The following ANKRD45 variants were observed in gnomAD, a reference collection of about 807,000 sequenced individuals.
The protein encoded by ANKRD45 is ankyrin repeat domain-containing protein 45.
ANKRD45 carries 21 observed loss-of-function variants against 28.1 expected under a neutral mutation model. The ratio of observed to expected loss-of-function variants is 0.75; its 90% CI spans 0.53 to 1.08. The LOEUF (loss-of-function observed/expected upper bound fraction) is 1.08. Among genes scored for constraint, ANKRD45 ranks in the 50% least tolerant of loss-of-function variants. The probability of loss-of-function intolerance (pLI) is 0.00; values close to 1 mark genes in which losing one functional copy is unlikely to be tolerated. For missense variants in ANKRD45, 261 were observed against 308.7 expected (o/e 0.85, Z 1.16); for synonymous variants, 86 against 103.9 (o/e 0.83, Z 1.05).
At chr1:173,677,783 A>C in the ANKRD45 span, among the ~76,000 whole-genome samples, 1 of 152,240 alleles carries the variant, frequency 6.6e-6, no homozygotes, top group African/African-American at 2.4e-5. Flanking sequence ...TTTAAAAAAA[A>C]ACAATTATCA....
Position 173,641,776 on chromosome 1 carries a change from T to C in ANKRD45, c.496+5070A>G, listed in dbSNP as rs144874360. On this transcript the variant is annotated intron_variant, in intron 3 of 5. Coordinates refer to ENST00000333279, the MANE Select transcript of ANKRD45 (RefSeq NM_198493.3). ...TTACATAGATGCTATTGGGGTCCCA[T>C]GAGGAGTGCCAGATAAGTTTAAAGC... is the stretch of plus-strand genomic sequence containing the variant. Among the ~76,000 whole-genome samples, 506 of 152,326 alleles carry C rather than the reference T, an allele frequency of 3.3e-3. 3 individuals carry two copies. Among genetic ancestry groups the C allele is most frequent in the Middle Eastern group, 0.01 (3 of 294 alleles).
chr1:173,648,268 A>C (rs2102363191), intron 2 of ANKRD45, among the ~76,000 whole-genome samples: 1 of 152,156 alleles, frequency 6.6e-6, no homozygotes, highest in East Asian at 1.9e-4. Context: ...GCAGAGACAG[A>C]GTCTCAGTAT....
chr1:173,613,016 G>C (rs539821126), intron 5 of ANKRD45, among the ~76,000 whole-genome samples: 3 of 151,882 alleles, frequency 2.0e-5, no homozygotes, highest in African/African-American at 7.3e-5. Context: ...CCGCCACCCC[G>C]TCTGGGAAGT....
At chr1:173,659,055 A>G (rs1669667582) in intron 2 of ANKRD45, 36 bp downstream of exon 2, 7 of 1,592,636 alleles carry the variant, frequency 4.4e-6, no homozygotes, top group Non-Finnish European at 6.0e-6. Flanking sequence ...TTAGGTAGTC[A>G]TAAGTAATAC....
At chr1:173,670,423 GT>G, upstream of ANKRD45, among the ~76,000 whole-genome samples, 2 of 152,196 alleles carry the variant, frequency 1.3e-5, no homozygotes, top group Non-Finnish European at 2.9e-5. Flanking sequence ...TTATATCAAT[GT>G]TCACATGAAT....
upstream of ANKRD45, among the ~76,000 whole-genome samples, chr1:173,670,928 G>A (rs1051076280): frequency 2.0e-5 from 3 of 152,096 alleles, no homozygotes; most frequent in East Asian, 1.9e-4. Flanking sequence ...TTTTAATAAC[G>A]GTCTTGCAAG....
At chr1:173,693,543 G>T in the ANKRD45 span, among the ~76,000 whole-genome samples, 5 of 152,160 alleles carry the variant, frequency 3.3e-5, no homozygotes, top group African/African-American at 9.7e-5. Flanking sequence ...ATGCTCATTA[G>T]TTGTGAGACC....
intron 1 of ANKRD45, among the ~76,000 whole-genome samples, chr1:173,669,176 C>T (rs1309762284): frequency 2.0e-5 from 3 of 151,966 alleles, no homozygotes; most frequent in Non-Finnish European, 4.4e-5. Flanking sequence ...AAAGTAAAAC[C>T]GTGGACATCT....
At chr1:173,610,404 G>T (rs962995432) in intron 5 of ANKRD45, among the ~76,000 whole-genome samples, 189 bp from the exon 6 acceptor site, 2 of 152,136 alleles carry the variant, frequency 1.3e-5, no homozygotes, top group South Asian at 2.1e-4. Context: ...TTAAAGCTGT[G>T]AGGTCACATT....
intron 2 of ANKRD45, 91 bp from the exon 3 acceptor site, chr1:173,647,104 T>C: frequency 7.8e-7 from 1 of 1,279,386 alleles, no homozygotes. Context: ...TGATCAAGTA[T>C]TGAACAATTA....
rs951127235 is a variant in ANKRD45, at chr1:173,638,346, G to A, written c.496+8500C>T. Reference sequence around the variant, plus strand: ...GAGCCTTGCCGGGAAAAGAATAGGCGAGACATCCCTAGCACAAGGGATTGG... The same window carrying A: ...GAGCCTTGCCGGGAAAAGAATAGGCAAGACATCCCTAGCACAAGGGATTGG... On this transcript the variant is annotated intron_variant, in intron 3 of 5. Coordinates refer to ENST00000333279, the MANE Select transcript of ANKRD45 (RefSeq NM_198493.3). Among the ~76,000 whole-genome samples the A allele has an allele frequency of 4.6e-5, 7 of 152,234 alleles. No homozygotes were observed. The South Asian group carries it at 1.2e-3, about 27-fold the overall frequency.
At chr1:173,669,770 C>A in intron 1 of ANKRD45, 47 bp downstream of exon 1, 1 of 225,486 alleles carries the variant, frequency 4.4e-6, no homozygotes, top group Non-Finnish European at 9.9e-6. Flanking sequence ...TCGCACTCCT[C>A]CCCAAGTGCC....
At chr1:173,626,939 G>A (rs1667965760) in intron 4 of ANKRD45, 126 bp downstream of exon 4, 1 of 615,862 alleles carries the variant, frequency 1.6e-6, no homozygotes, top group East Asian at 2.8e-5. Flanking sequence ...AGGGAAGAAG[G>A]AAAGAAAGAG....
At position 173,650,551 on chromosome 1, in the gene ANKRD45, G is replaced by A. The variant is rs1032897116; in HGVS notation, c.329-3538C>T. On this transcript the variant is annotated intron_variant, in intron 2 of 5. Coordinates refer to ENST00000333279, the MANE Select transcript of ANKRD45 (RefSeq NM_198493.3). The stretch of plus-strand genomic sequence containing the variant: ...AGTCTTTGCTATTGTGAATAGTGCC[G>A]CAATAAACATACGTGTGCGTGTGTC... Among the ~76,000 whole-genome samples, 31 of 152,214 alleles carry A rather than the reference G, an allele frequency of 2.0e-4. 1 individual carries two copies. Among genetic ancestry groups the A allele is most frequent in the South Asian group, 4.1e-4 (2 of 4,824 alleles).
Position 173,646,894 on chromosome 1 carries a change from C to A in ANKRD45, c.448G>T (p.Ala150Ser). ...NFREERARDV[A>S]ARYSQTECVE... ...CACTCAGTCTGAGAATATCTAGCAG[C>A]AACATCTCGAGCCCTTTCTTCCCGG... is the stretch of plus-strand genomic sequence containing the variant. The change falls in exon 3 of 6, where the codon GCT (alanine) becomes TCT (serine). Residue 150 changes from alanine to serine, a missense_variant. Transcript: ENST00000333279. The A allele has an allele frequency of 6.2e-7, 1 of 1,614,146 alleles. No individual in the cohort carries two copies. Among genetic ancestry groups the A allele is most frequent in the South Asian group, 1.1e-5 (1 of 91,058 alleles).
At chr1:173,676,765 A>G in the ANKRD45 span, among the ~76,000 whole-genome samples, 1 of 151,250 alleles carries the variant, frequency 6.6e-6, no homozygotes, top group Non-Finnish European at 1.5e-5. Context: ...ATTATTACTG[A>G]TAACATACAC....
intron 3 of ANKRD45, among the ~76,000 whole-genome samples, chr1:173,629,185 C>G (rs1028964299): frequency 6.6e-6 from 1 of 152,174 alleles, no homozygotes; most frequent in Non-Finnish European, 1.5e-5. Context: ...AGGACAGGTA[C>G]AAACAAGCCC....
chr1:173,634,234 A>C (rs1165828419), intron 3 of ANKRD45, among the ~76,000 whole-genome samples: 2 of 152,038 alleles, frequency 1.3e-5, no homozygotes, highest in African/African-American at 4.8e-5. Flanking sequence ...AAGGTGATCA[A>C]CATCACTGAT....
chr1:173,645,367 C>A (rs1339924278), intron 3 of ANKRD45, among the ~76,000 whole-genome samples: 1 of 151,988 alleles, frequency 6.6e-6, no homozygotes, highest in African/African-American at 2.4e-5. Flanking sequence ...TCAGTGGCTC[C>A]CAGAATAAAA....
Sources: allele counts gnomAD v4.1 joint callset (sites outside exome capture counted in the v4.1 genomes callset), GRCh38; gene constraint gnomAD v4.1.1; transcripts MANE v1.5; gene names NCBI Gene and HGNC (gene_info 2026-07-23, HGNC 2026-07-21).